ADGRG2: variants seen among roughly 807,000 people sequenced by gnomAD.
The protein encoded by ADGRG2 is adhesion G protein-coupled receptor G2, also known as G protein-coupled receptor 64.
A neutral mutation model predicts 74.1 loss-of-function variants in ADGRG2; 26 were observed. That is an observed-to-expected ratio of 0.35 (90% CI 0.26 to 0.49). ADGRG2 has a LOEUF of 0.49. Among genes scored for constraint, ADGRG2 ranks in the 20% least tolerant of loss-of-function variants. ADGRG2 has a pLI of 0.99. For missense variants in ADGRG2, 619 were observed against 763.1 expected (o/e 0.81, Z 2.22); for synonymous variants, 296 against 295.2 (o/e 1.00, Z -0.03).
At chrX:19,085,659 T>G (rs1349248769) in intron 1 of ADGRG2, among the ~76,000 whole-genome samples, 1 of 111,445 alleles carries the variant, frequency 9.0e-6, no homozygotes, top group African/African-American at 3.3e-5. Context: ...CAAGGGTGGA[T>G]GCATACAAAA....
chrX:19,030,897 A>T (rs919336485), intron 9 of ADGRG2, 87 bp downstream of exon 9: 11 of 633,577 alleles, frequency 1.7e-5, no homozygotes, highest in Non-Finnish European at 2.5e-5. Flanking sequence ...AGAGGCACAT[A>T]CCACATACTC....
intron 2 of ADGRG2, among the ~76,000 whole-genome samples, chrX:19,077,348 A>G (rs1335095732): frequency 2.9e-5 from 3 of 104,448 alleles, no homozygotes; most frequent in African/African-American, 1.0e-4. Context: ...AAAAAAAAAA[A>G]AAAAAAAAAA....
At chrX:19,001,525 G>T (rs1044820214) in intron 24 of ADGRG2, among the ~76,000 whole-genome samples, 1 of 111,797 alleles carries the variant, frequency 8.9e-6, no homozygotes, top group Non-Finnish European at 1.9e-5. Context: ...GAGACACTTT[G>T]TTAAAAATAA....
At chrX:19,112,035 A>G (rs2062422045) in intron 1 of ADGRG2, among the ~76,000 whole-genome samples, 1 of 110,336 alleles carries the variant, frequency 9.1e-6, no homozygotes, top group South Asian at 3.9e-4. Context: ...TCATACAAAA[A>G]TCATCACTGG....
At chrX:19,037,686 A>T (rs1415475451) in intron 4 of ADGRG2, 50 bp from the exon 5 acceptor site, 2 of 887,200 alleles carry the variant, frequency 2.3e-6, no homozygotes, top group Non-Finnish European at 3.1e-6. Context: ...ATTATTTGTC[A>T]AATTTTAAAG....
chrX:19,003,268 G>T (rs765935264), intron 23 of ADGRG2, among the ~76,000 whole-genome samples, 154 bp from the exon 24 acceptor site: 1 of 111,239 alleles, frequency 9.0e-6, no homozygotes, highest in Non-Finnish European at 1.9e-5. Flanking sequence ...GGGCTCAAGC[G>T]ATCTTCCCAC....
At chrX:19,075,382 C>T (rs1286039354) in intron 2 of ADGRG2, among the ~76,000 whole-genome samples, 5 of 110,310 alleles carry the variant, frequency 4.5e-5, no homozygotes, top group Non-Finnish European at 7.6e-5. Context: ...TTTGGGAGGC[C>T]GAGGCGGATG....
At chrX:18,998,889 A>G in intron 26 of ADGRG2, 107 bp downstream of exon 26, 1 of 651,987 alleles carries the variant, frequency 1.5e-6, no homozygotes, top group Non-Finnish European at 2.4e-6. Context: ...GTAGTGGTCT[A>G]GAACCAAACC....
chrX:19,018,795 C>A (rs1187244637), intron 15 of ADGRG2, among the ~76,000 whole-genome samples: 2 of 111,956 alleles, frequency 1.8e-5, no homozygotes, highest in Non-Finnish European at 3.8e-5. Flanking sequence ...AAAATATTTG[C>A]AACATATACC....
At chrX:19,009,864 G>A in intron 17 of ADGRG2, 82 bp from the exon 18 acceptor site, 1 of 781,036 alleles carries the variant, frequency 1.3e-6, no homozygotes, top group Non-Finnish European at 1.8e-6. Context: ...AGGCTGGGGT[G>A]CAGTGGCGTG....
At position 19,065,293 on chromosome X, in the gene ADGRG2, AAAG is replaced by A. The variant is rs1301670852; in HGVS notation, c.118+3421_118+3423del. On this transcript the variant is annotated intron_variant, in intron 3 of 28. Coordinates refer to ENST00000379869, the MANE Select transcript of ADGRG2 (RefSeq NM_001079858.3). ...AAAAAAAAAAAAAAAAAAGTAAAGAAAAGAAAGAAAAAGAAAAAAACAAAAACA... is the reference window on the plus strand; with the variant it reads ...AAAAAAAAAAAAAAAAAAGTAAAGAAAAAGAAAAAGAAAAAAACAAAAACA... 3.2e-3 allele frequency among the ~76,000 whole-genome samples: 333 copies of A among 103,427 alleles called. 1 individual carries two copies. Among genetic ancestry groups the A allele is most frequent in the African/African-American group, 0.011 (322 of 28,664 alleles). 89.8% of individuals were successfully genotyped at this position (103,427 alleles called of 115,157 possible).
At chrX:19,079,996 C>A (rs1439598863) in intron 2 of ADGRG2, among the ~76,000 whole-genome samples, 1 of 108,331 alleles carries the variant, frequency 9.2e-6, no homozygotes, top group South Asian at 4.1e-4. Flanking sequence ...CCGCAACCTC[C>A]ACCTCCCGGT....
intron 2 of ADGRG2, among the ~76,000 whole-genome samples, chrX:19,072,689 C>A (rs967712677): frequency 1.8e-5 from 2 of 110,963 alleles, no homozygotes; most frequent in African/African-American, 6.5e-5. Context: ...ATGACCCCAG[C>A]AATCATCTTG....
intron 3 of ADGRG2, among the ~76,000 whole-genome samples, chrX:19,053,616 C>CCTAT (rs1427889529): frequency 2.7e-5 from 3 of 111,620 alleles, no homozygotes; most frequent in Non-Finnish European, 5.6e-5. Flanking sequence ...AAAACAGGCA[C>CCTAT]GAAGATAAGT....
chrX:19,007,928 G>A, intron 19 of ADGRG2, 52 bp downstream of exon 19: 1 of 1,058,717 alleles, frequency 9.4e-7, no homozygotes, highest in Non-Finnish European at 1.3e-6. Context: ...GAAATGAAAT[G>A]CCCTCATCTC....
chrX:19,064,477 C>T (rs1211976891), intron 3 of ADGRG2, among the ~76,000 whole-genome samples: 1 of 112,025 alleles, frequency 8.9e-6, no homozygotes, highest in Non-Finnish European at 1.9e-5. Context: ...CAATTGATAA[C>T]CCAGTGGAGA....
chrX:18,999,024 ATACATGAAGG>A lies in ADGRG2; in HGVS notation c.2576_2585del (p.Thr859IlefsTer54). The stretch of plus-strand genomic sequence containing the variant: ...GTAAGGTATTAAAGATGGCAAACAG[ATACATGAAGG>A]TCACGTTAACTGGTCCCCAGGCAAA... On this transcript the variant is annotated frameshift_variant, in exon 26 of 29. Transcript: ENST00000379869. LOFTEE classifies it high-confidence loss of function. 8.3e-7 allele frequency: 1 copy of A among 1,207,353 alleles called. No individual in the cohort carries two copies. Among genetic ancestry groups the A allele is most frequent in the Non-Finnish European group, 1.1e-6 (1 of 892,061 alleles).
At chrX:19,009,569 T>C (rs1314842550) in intron 18 of ADGRG2, 57 bp downstream of exon 18, 7 of 1,016,670 alleles carry the variant, frequency 6.9e-6, no homozygotes, top group Admixed American at 2.2e-5. Context: ...TGAAATACAA[T>C]GGGGACTACA....
intron 3 of ADGRG2, among the ~76,000 whole-genome samples, chrX:19,043,804 T>C (rs2061122179): frequency 9.3e-6 from 1 of 108,103 alleles, no homozygotes; most frequent in Non-Finnish European, 1.9e-5. Flanking sequence ...TAAACTCTAA[T>C]CCCACATGGC....
Sources: allele counts gnomAD v4.1 joint callset (sites outside exome capture counted in the v4.1 genomes callset), GRCh38; gene constraint gnomAD v4.1.1; transcripts MANE v1.5; gene names NCBI Gene and HGNC (gene_info 2026-07-23, HGNC 2026-07-21).